CENPW: variants seen among roughly 807,000 people sequenced by gnomAD.
CENPW encodes the protein centromere protein W.
In CENPW, 3 loss-of-function variants were observed where a neutral mutation model predicts 11.1. The observed-to-expected ratio is 0.27, with a 90% CI of 0.12 to 0.70. The LOEUF (loss-of-function observed/expected upper bound fraction) is 0.70, where lower values mean the gene tolerates loss of function less well. Among genes scored for constraint, CENPW ranks in the 30% least tolerant of loss-of-function variants. The pLI, the probability that CENPW is intolerant of heterozygous loss-of-function variation, is 0.77. For missense variants in CENPW, 100 were observed against 105.6 expected (o/e 0.95, Z 0.23); for synonymous variants, 38 against 42.0 (o/e 0.91, Z 0.37).
At chr6:126,397,626 A>G in the CENPW span, among the ~76,000 whole-genome samples, 5 of 152,170 alleles carry the variant, frequency 3.3e-5, no homozygotes, top group African/African-American at 1.2e-4. Context: ...GATAATGGAC[A>G]ATCAGTGGAG....
the CENPW span, among the ~76,000 whole-genome samples, chr6:126,436,569 A>T: frequency 6.6e-6 from 1 of 151,802 alleles, no homozygotes; most frequent in Non-Finnish European, 1.5e-5. Flanking sequence ...GATGTTAAGG[A>T]TGCAGTTTAG....
At chr6:126,429,474 C>G in the CENPW span, among the ~76,000 whole-genome samples, 1 of 151,880 alleles carries the variant, frequency 6.6e-6, no homozygotes, top group Admixed American at 6.6e-5. Flanking sequence ...GTCTGTGGCA[C>G]CTCCCCCCAA....
At chr6:126,436,267 G>A in the CENPW span, among the ~76,000 whole-genome samples, 1 of 151,882 alleles carries the variant, frequency 6.6e-6, no homozygotes, top group Admixed American at 6.6e-5. Flanking sequence ...CTGTGGTTTT[G>A]TAAAGCTGAG....
At chr6:126,366,431 G>A in the CENPW span, among the ~76,000 whole-genome samples, 2 of 152,096 alleles carry the variant, frequency 1.3e-5, no homozygotes, top group Admixed American at 6.5e-5. Context: ...ATATTTCAAT[G>A]TATGATTGCA....
At chr6:126,472,077 T>A in the CENPW span, among the ~76,000 whole-genome samples, 18 of 152,212 alleles carry the variant, frequency 1.2e-4, no homozygotes, top group Admixed American at 1.2e-3. Flanking sequence ...GAACCTATCA[T>A]AAAGCTTCAA....
chr6:126,393,596 T>G, the CENPW span, among the ~76,000 whole-genome samples: 3 of 151,638 alleles, frequency 2.0e-5, no homozygotes, highest in African/African-American at 4.8e-5. Context: ...TTTCCAAAAT[T>G]TATCTTATTA....
chr6:126,351,742 A>G (rs1780493056), downstream of CENPW, among the ~76,000 whole-genome samples: 1 of 151,912 alleles, frequency 6.6e-6, no homozygotes, highest in South Asian at 2.1e-4. Flanking sequence ...TGGGTGGTCT[A>G]TATCTCAACT....
At chr6:126,342,725 C>A (rs1447963359) in intron 1 of CENPW, among the ~76,000 whole-genome samples, 1 of 151,942 alleles carries the variant, frequency 6.6e-6, no homozygotes, top group Non-Finnish European at 1.5e-5. Context: ...TTGCCTTTTT[C>A]TTTATGGGTT....
the CENPW span, among the ~76,000 whole-genome samples, chr6:126,459,420 G>A: frequency 6.6e-6 from 1 of 151,430 alleles, no homozygotes; most frequent in African/African-American, 2.4e-5. Flanking sequence ...ATGCAAATAC[G>A]ATTTACCTTA....
At chr6:126,396,752 T>G in the CENPW span, among the ~76,000 whole-genome samples, 1 of 152,198 alleles carries the variant, frequency 6.6e-6, no homozygotes, top group African/African-American at 2.4e-5. Context: ...GCCCAAGGGC[T>G]CTTCAGTTAG....
chr6:126,358,676 A>G, the CENPW span, among the ~76,000 whole-genome samples: 1 of 151,840 alleles, frequency 6.6e-6, no homozygotes, highest in Non-Finnish European at 1.5e-5. Context: ...TTCTTTTTTC[A>G]TTGTGTCTCT....
the CENPW span, among the ~76,000 whole-genome samples, chr6:126,368,535 A>C: frequency 7.0e-6 from 1 of 142,086 alleles, no homozygotes; most frequent in African/African-American, 2.5e-5. Flanking sequence ...TTTTTTTTTC[A>C]GTAGGCTTTT....
chr6:126,348,402 G>T, intron 2 of CENPW, 64 bp from the exon 3 acceptor site: 1 of 921,420 alleles, frequency 1.1e-6, no homozygotes, highest in Non-Finnish European at 1.8e-6. Context: ...TTAACTTTTT[G>T]TTAAGGAATG....
chr6:126,367,882 A>G, the CENPW span, among the ~76,000 whole-genome samples: 1 of 152,220 alleles, frequency 6.6e-6, no homozygotes, highest in Non-Finnish European at 1.5e-5. Flanking sequence ...TTTAGTGTCT[A>G]AGTCAGTTTA....
chr6:126,383,039 TA>T, the CENPW span, among the ~76,000 whole-genome samples: 1 of 152,118 alleles, frequency 6.6e-6, no homozygotes, highest in Non-Finnish European at 1.5e-5. Context: ...AATGGTTATC[TA>T]CAAAGGGAAG....
chr6:126,341,092 G>GA (rs1780298942), intron 1 of CENPW, among the ~76,000 whole-genome samples: 1 of 152,164 alleles, frequency 6.6e-6, no homozygotes, highest in Non-Finnish European at 1.5e-5. Context: ...CATAATACCT[G>GA]AAGCATAATG....
At chr6:126,374,414 A>G in the CENPW span, among the ~76,000 whole-genome samples, 1 of 152,204 alleles carries the variant, frequency 6.6e-6, no homozygotes, top group Non-Finnish European at 1.5e-5. Context: ...TTCTGTTCTC[A>G]TCAGATTTGA....
chr6:126,352,427 C>G (rs1187434110), downstream of CENPW, among the ~76,000 whole-genome samples: 1 of 152,060 alleles, frequency 6.6e-6, no homozygotes, highest in Admixed American at 6.6e-5. Context: ...TATGACACTT[C>G]TGATTGAATT....
chr6:126,463,641 A>G, the CENPW span, among the ~76,000 whole-genome samples: 1 of 152,070 alleles, frequency 6.6e-6, no homozygotes, highest in Admixed American at 6.6e-5. Flanking sequence ...TGTGATTTAC[A>G]GATCTTAATA....
Sources: gnomAD v4.1 joint callset for allele counts (sites outside exome capture counted in the v4.1 genomes callset) on GRCh38, gnomAD v4.1.1 for gene constraint, MANE v1.5 for transcripts, NCBI Gene and HGNC (gene_info 2026-07-23, HGNC 2026-07-21) for gene names.